Variants in UBE2V2 observed in about 807,000 individuals in gnomAD.
UBE2V2 encodes the protein ubiquitin conjugating enzyme E2 V2, also known as ubiquitin-conjugating enzyme E2 variant 2.
UBE2V2 carries 9 observed loss-of-function variants against 17.2 expected under a neutral mutation model. That is an observed-to-expected ratio of 0.52 (90% CI 0.32 to 0.91). The LOEUF (loss-of-function observed/expected upper bound fraction) is 0.91. Among genes scored for constraint, UBE2V2 ranks in the 40% least tolerant of loss-of-function variants. The pLI is 0.04. For synonymous variants in UBE2V2, 61 were observed against 57.5 expected, an observed-to-expected ratio of 1.06 and a Z score of -0.28; for missense variants, 133 against 182.6, an observed-to-expected ratio of 0.73 and a Z score of 1.56.
upstream of UBE2V2, among the ~76,000 whole-genome samples, chr8:48,005,702 A>C (rs371764117): frequency 6.6e-6 from 1 of 152,254 alleles, no homozygotes; most frequent in East Asian, 1.9e-4. Context: ...CTTTTTAATG[A>C]TCACCATTCT....
chr8:48,060,446 T>C (rs1470609716), intron 3 of UBE2V2, among the ~76,000 whole-genome samples: 3 of 152,156 alleles, frequency 2.0e-5, no homozygotes, highest in Non-Finnish European at 4.4e-5. Flanking sequence ...ATATAACATT[T>C]ATTTCTGATG....
At chr8:48,016,404 G>A (rs1379192873) in intron 1 of UBE2V2, among the ~76,000 whole-genome samples, 1 of 152,006 alleles carries the variant, frequency 6.6e-6, no homozygotes, top group Non-Finnish European at 1.5e-5. Flanking sequence ...TCTCCATATG[G>A]TTGTACTAAT....
Position 48,043,157 on chromosome 8 carries a change from A to G in UBE2V2, c.141A>G (p.Thr47=), listed in dbSNP as rs563336717. The change falls in exon 2 of 4, where the codon ACA becomes ACG. Residue 47 remains threonine (T), a synonymous_variant. Coordinates refer to ENST00000523111, the MANE Select transcript of UBE2V2 (RefSeq NM_003350.3). ...AAGATATGACACTTACAAGGTGGAC[A>G]GGCATGATTATTGGGCCACCAAGGG... ...DDEDMTLTRW[T]GMIIGPPRTN... 1.9e-5 allele frequency: 29 copies of G among 1,559,166 alleles called. No individual in the cohort carries two copies. In the East Asian group the frequency reaches 6.3e-4, roughly 34 times the overall value.
chr8:48,004,992 T>C (rs2091174696), upstream of UBE2V2, among the ~76,000 whole-genome samples: 1 of 148,664 alleles, frequency 6.7e-6, no homozygotes, highest in Non-Finnish European at 1.5e-5. Context: ...AATGCCAGCT[T>C]TTTTTTTTTT....
chr8:48,030,458 C>T (rs905484024), intron 1 of UBE2V2, among the ~76,000 whole-genome samples: 1 of 152,182 alleles, frequency 6.6e-6, no homozygotes, highest in Admixed American at 6.6e-5. Context: ...CAGTGGCTCA[C>T]GCTTCTAATC....
chr8:48,011,716 C>G (rs1020585464), intron 1 of UBE2V2, among the ~76,000 whole-genome samples: 2 of 152,146 alleles, frequency 1.3e-5, no homozygotes, highest in African/African-American at 4.8e-5. Context: ...CAGTGGCATG[C>G]GATCATGGCT....
chr8:48,036,456 C>CA (rs1162646595), intron 1 of UBE2V2, among the ~76,000 whole-genome samples: 2 of 151,308 alleles, frequency 1.3e-5, no homozygotes, highest in African/African-American at 4.8e-5. Context: ...TTTTTTGAGA[C>CA]AGAGTCTCAC....
intron 3 of UBE2V2, among the ~76,000 whole-genome samples, chr8:48,053,535 T>C (rs748491627): frequency 6.6e-6 from 1 of 151,700 alleles, no homozygotes; most frequent in Non-Finnish European, 1.5e-5. Context: ...GCAATTCTCT[T>C]GCCTCAGCCT....
chr8:48,058,075 T>G (rs2154508206), intron 3 of UBE2V2, among the ~76,000 whole-genome samples: 1 of 152,314 alleles, frequency 6.6e-6, no homozygotes, highest in African/African-American at 2.4e-5. Context: ...GGCTCATGCC[T>G]GTAATCCCAG....
chr8:48,006,148 T>A (rs1313827156), upstream of UBE2V2, among the ~76,000 whole-genome samples: 1 of 152,226 alleles, frequency 6.6e-6, no homozygotes, highest in Non-Finnish European at 1.5e-5. Context: ...TGGTTTTAGG[T>A]CTTACGTTTA....
At chr8:48,031,912 CT>C (rs1477501746) in intron 1 of UBE2V2, among the ~76,000 whole-genome samples, 1 of 152,142 alleles carries the variant, frequency 6.6e-6, no homozygotes, top group Admixed American at 6.6e-5. Context: ...TCCCAAAGTG[CT>C]GGGATTGCAG....
At chr8:48,038,379 G>T (rs920636659) in intron 1 of UBE2V2, among the ~76,000 whole-genome samples, 1 of 151,986 alleles carries the variant, frequency 6.6e-6, no homozygotes, top group Non-Finnish European at 1.5e-5. Flanking sequence ...GTGTAGTGGC[G>T]TGATCTTGGC....
At chr8:48,015,332 G>A (rs969935792) in intron 1 of UBE2V2, among the ~76,000 whole-genome samples, 3 of 152,012 alleles carry the variant, frequency 2.0e-5, no homozygotes, top group Admixed American at 6.6e-5. Flanking sequence ...AGCTGTGATC[G>A]TGTCACTGCA....
chr8:48,057,815 A>G (rs544987938), intron 3 of UBE2V2, among the ~76,000 whole-genome samples: 23 of 152,300 alleles, frequency 1.5e-4, no homozygotes, highest in Admixed American at 9.2e-4. Flanking sequence ...TAATTATTGT[A>G]TATGGAACCT....
intron 3 of UBE2V2, among the ~76,000 whole-genome samples, chr8:48,059,299 T>C (rs1245608715): frequency 1.3e-5 from 2 of 152,056 alleles, no homozygotes; most frequent in African/African-American, 4.8e-5. Context: ...TTCTCAGCTC[T>C]TTCATAAGCC....
At chr8:47,999,265 A>G in the UBE2V2 span, among the ~76,000 whole-genome samples, 4 of 152,142 alleles carry the variant, frequency 2.6e-5, no homozygotes, top group Non-Finnish European at 5.9e-5. Flanking sequence ...CCAAGGACTG[A>G]GAACTGAGGA....
chr8:48,032,709 C>T (rs547745807), intron 1 of UBE2V2, among the ~76,000 whole-genome samples: 5 of 152,066 alleles, frequency 3.3e-5, no homozygotes, highest in African/African-American at 4.8e-5. Context: ...TGAGCCATGG[C>T]GACAGAGTCC....
intron 1 of UBE2V2, among the ~76,000 whole-genome samples, chr8:48,038,369 G>C (rs959370477): frequency 2.0e-5 from 3 of 152,114 alleles, no homozygotes; most frequent in African/African-American, 7.2e-5. Context: ...CCAAAATGGA[G>C]TGTAGTGGCG....
At position 48,063,968 on chromosome 8, in the gene UBE2V2, C is replaced by T. The variant is rs1020308182; in HGVS notation, c.*3140C>T. On this transcript the variant is annotated 3_prime_UTR_variant, in exon 4 of 4. Transcript: ENST00000523111. Reference sequence around the variant, plus strand: ...AGGACACAGCTGGGAATTATGAATGCTTTTTTCTTAATAGGTTTGGTGTGT... The same window carrying T: ...AGGACACAGCTGGGAATTATGAATGTTTTTTTCTTAATAGGTTTGGTGTGT... 2.0e-5 allele frequency: 3 copies of T among 152,070 alleles called. No homozygotes were observed. Among genetic ancestry groups the T allele is most frequent in the African/African-American group, 7.2e-5 (3 of 41,414 alleles). The allele number at this position is 152,070 out of a possible 1,614,324, so 9.4% of individuals were successfully genotyped here. A position where few individuals can be genotyped will look rare whatever the true frequency, so the allele number is the denominator to read the frequency against.
Sources: gnomAD v4.1 joint callset for allele counts (sites outside exome capture counted in the v4.1 genomes callset) on GRCh38, gnomAD v4.1.1 for gene constraint, MANE v1.5 for transcripts, NCBI Gene and HGNC (gene_info 2026-07-23, HGNC 2026-07-21) for gene names.